The following FNDC3B variants were observed in gnomAD, a reference collection of about 807,000 sequenced individuals.
FNDC3B encodes fibronectin type III domain containing 3B.
In FNDC3B, 12 loss-of-function variants were observed where a neutral mutation model predicts 151.5. The observed-to-expected ratio is 0.08, with a 90% CI of 0.05 to 0.13. FNDC3B has a LOEUF of 0.13. FNDC3B is among the 10% of genes least tolerant of loss of function. The pLI is 1.00. For synonymous variants in FNDC3B, 528 were observed against 549.0 expected, an observed-to-expected ratio of 0.96 and a Z score of 0.54; for missense variants, 1,214 against 1,505.3, an observed-to-expected ratio of 0.81 and a Z score of 3.20.
At chr3:172,358,953 CTTGGTG>C (rs1734224535) in intron 22 of FNDC3B, among the ~76,000 whole-genome samples, 1 of 92,882 alleles carries the variant, frequency 1.1e-5, no homozygotes, top group African/African-American at 4.5e-5. Flanking sequence ...CCACAGTTTT[CTTGGTG>C]GTGGTGGTGG....
intron 2 of FNDC3B, among the ~76,000 whole-genome samples, chr3:172,120,223 G>C (rs1279980668): frequency 2.0e-5 from 3 of 152,314 alleles, no homozygotes; most frequent in Non-Finnish European, 4.4e-5. Context: ...ATAAGATGTA[G>C]TCAGTATCCT....
At chr3:172,042,079 T>TTA in intron 1 of FNDC3B, among the ~76,000 whole-genome samples, 1 of 152,058 alleles carries the variant, frequency 6.6e-6, no homozygotes, top group East Asian at 1.9e-4. Flanking sequence ...TACTTTAAGA[T>TTA]AAAAAAAATT....
chr3:172,377,070 C>A lies in FNDC3B; in HGVS notation c.3009-1200C>A, dbSNP rs144342683. Among the ~76,000 whole-genome samples, 405 of 152,330 alleles carry A rather than the reference C, an allele frequency of 2.7e-3. 5 individuals carry two copies. Among genetic ancestry groups the A allele is most frequent in the African/African-American group, 9.4e-3 (389 of 41,566 alleles). On this transcript the variant is annotated intron_variant, in intron 23 of 25. Coordinates refer to ENST00000415807, the MANE Select transcript of FNDC3B (RefSeq NM_022763.4). ...TTTCAAATCCGCAGAGCCTAGCACA[C>A]AGCAGATGTTCAAGAAATGTTTGCT...
intron 8 of FNDC3B, among the ~76,000 whole-genome samples, chr3:172,295,827 A>G (rs909099429): frequency 1.3e-5 from 2 of 152,228 alleles, no homozygotes; most frequent in African/African-American, 4.8e-5. Context: ...GTTTTTGCAT[A>G]CATTGGGCGA....
chr3:172,050,537 C>T (rs1048896175), intron 1 of FNDC3B, among the ~76,000 whole-genome samples: 14 of 152,142 alleles, frequency 9.2e-5, no homozygotes, highest in African/African-American at 3.4e-4. Context: ...GCACGTGCCA[C>T]CATGCCTGGC....
At chr3:172,095,071 C>A (rs1463431340) in intron 1 of FNDC3B, among the ~76,000 whole-genome samples, 1 of 152,000 alleles carries the variant, frequency 6.6e-6, no homozygotes, top group African/African-American at 2.4e-5. Flanking sequence ...TTTTAAAATA[C>A]TCGGCAATTT....
chr3:172,323,817 T>A (rs1732209726), intron 11 of FNDC3B, among the ~76,000 whole-genome samples: 1 of 152,252 alleles, frequency 6.6e-6, no homozygotes, highest in Non-Finnish European at 1.5e-5. Context: ...AGACTCCCAT[T>A]ATTAATTAGG....
At chr3:172,374,060 A>G (rs542855734) in intron 23 of FNDC3B, among the ~76,000 whole-genome samples, 83 of 152,308 alleles carry the variant, frequency 5.4e-4, no homozygotes, top group African/African-American at 1.8e-3. Context: ...TGAGCCGTCA[A>G]ATTCAGACCT....
intron 3 of FNDC3B, among the ~76,000 whole-genome samples, chr3:172,182,984 C>A (rs1723992891): frequency 2.0e-5 from 3 of 152,202 alleles, no homozygotes; most frequent in East Asian, 1.9e-4. Context: ...CAAGTCAAAG[C>A]AAGATACAGC....
rs117763094 is a variant in FNDC3B at position 172,091,542 on chromosome 3, A to C, written c.-28-20910A>C. On this transcript the variant is annotated intron_variant, in intron 1 of 25. Transcript: ENST00000415807. The stretch of plus-strand genomic sequence containing the variant: ...AGTATCAAGCACTTTGTAGTTTCCT[A>C]GTGTTCTGAAAAGTGTGTGTGCGTT... Among the ~76,000 whole-genome samples the C allele has an allele frequency of 1.9e-4, 29 of 152,242 alleles. No individual in the cohort carries two copies. In the East Asian group the frequency reaches 5.6e-3, roughly 29 times the overall value.
At chr3:172,097,146 T>C (rs1409763091) in intron 1 of FNDC3B, among the ~76,000 whole-genome samples, 3 of 152,222 alleles carry the variant, frequency 2.0e-5, no homozygotes, top group Non-Finnish European at 4.4e-5. Context: ...AAGTTTGATT[T>C]ATTTTGGCAG....
rs552168167 is a variant in FNDC3B, at chr3:172,260,329, AG to A, written c.790+8789del. ...CAGAAGCATATTTAAAATATGTACT[AG>A]TTGGGACCTTGCAGATCTTGGTTTA... is the stretch of plus-strand genomic sequence containing the variant. On this transcript the variant is annotated intron_variant, in intron 6 of 25. Coordinates refer to ENST00000415807, the MANE Select transcript of FNDC3B (RefSeq NM_022763.4). Among the ~76,000 whole-genome samples, 12 of 152,380 alleles carry A rather than the reference AG, an allele frequency of 7.9e-5. No individual in the cohort carries two copies. The South Asian group carries it at 2.3e-3, about 29-fold the overall frequency.
chr3:172,144,880 G>A (rs182104557), intron 3 of FNDC3B, among the ~76,000 whole-genome samples: 11 of 152,094 alleles, frequency 7.2e-5, no homozygotes, highest in African/African-American at 2.2e-4. Flanking sequence ...ATCTAAATAC[G>A]GAGAAAACTG....
chr3:172,136,850 G>T (rs965277010), intron 3 of FNDC3B, among the ~76,000 whole-genome samples: 1 of 152,130 alleles, frequency 6.6e-6, no homozygotes, highest in Non-Finnish European at 1.5e-5. Context: ...CTCCTGAGTA[G>T]CTGGGACTAC....
intron 1 of FNDC3B, among the ~76,000 whole-genome samples, chr3:172,080,960 G>T (rs769619693): frequency 2.6e-5 from 4 of 152,146 alleles, no homozygotes; most frequent in Admixed American, 6.6e-5. Context: ...CCATTGTTTG[G>T]AAATAGTTAA....
intron 3 of FNDC3B, among the ~76,000 whole-genome samples, chr3:172,171,241 A>G (rs2108634932): frequency 6.6e-6 from 1 of 152,350 alleles, no homozygotes; most frequent in Non-Finnish European, 1.5e-5. Flanking sequence ...TAGGCTTGGA[A>G]AGTGCTGATG....
intron 3 of FNDC3B, among the ~76,000 whole-genome samples, chr3:172,206,532 G>A (rs1009635902): frequency 4.0e-5 from 6 of 151,674 alleles, no homozygotes; most frequent in Non-Finnish European, 7.4e-5. Flanking sequence ...GGTGGCGGGC[G>A]CCTGTAATCC....
intron 2 of FNDC3B, among the ~76,000 whole-genome samples, chr3:172,122,783 C>G (rs1720615887): frequency 6.6e-6 from 1 of 152,228 alleles, no homozygotes; most frequent in African/African-American, 2.4e-5. Context: ...CTGCATTTAG[C>G]AAATTACCCT....
intron 5 of FNDC3B, 33 bp from the exon 6 acceptor site, chr3:172,251,227 T>C: frequency 6.6e-7 from 1 of 1,516,098 alleles, no homozygotes; most frequent in Non-Finnish European, 9.1e-7. Flanking sequence ...AAATGTAAAC[T>C]GAGTTTGGGT....
Sources: allele counts gnomAD v4.1 joint callset (sites outside exome capture counted in the v4.1 genomes callset), GRCh38; gene constraint gnomAD v4.1.1; transcripts MANE v1.5; gene names NCBI Gene and HGNC (gene_info 2026-07-23, HGNC 2026-07-21).